PTGER3: variants seen among roughly 807,000 people sequenced by gnomAD.
The protein encoded by PTGER3 is prostaglandin E2 receptor EP3 subtype.
PTGER3 carries 22 observed loss-of-function variants against 34.7 expected under a neutral mutation model. The observed-to-expected ratio is 0.63, with a 90% CI of 0.45 to 0.91. The LOEUF is 0.91. PTGER3 is among the 40% of genes least tolerant of loss of function. The pLI, the probability that PTGER3 is intolerant of heterozygous loss-of-function variation, is 0.00. For synonymous variants in PTGER3, 241 were observed against 230.1 expected, an observed-to-expected ratio of 1.05 and a Z score of -0.43; for missense variants, 468 against 519.4, an observed-to-expected ratio of 0.90 and a Z score of 0.96.
chr1:70,883,719 C>T (rs191072367), intron 4 of PTGER3, among the ~76,000 whole-genome samples: 2 of 152,192 alleles, frequency 1.3e-5, no homozygotes, highest in African/African-American at 4.8e-5. Context: ...TTTAGAGTTG[C>T]GACTTTGACA....
intron 2 of PTGER3, among the ~76,000 whole-genome samples, chr1:71,004,203 G>C (rs1407131575): frequency 6.6e-6 from 1 of 152,030 alleles, no homozygotes. Flanking sequence ...TTTGTAACTT[G>C]GCCTCAGAAA....
intron 4 of PTGER3, among the ~76,000 whole-genome samples, chr1:70,937,105 C>A: frequency 6.6e-6 from 1 of 152,044 alleles, no homozygotes; most frequent in Middle Eastern, 3.4e-3. Context: ...TTTAAAGACA[C>A]GAGGAAATTA....
chr1:70,915,815 C>G (rs960807490), intron 4 of PTGER3, among the ~76,000 whole-genome samples: 1 of 151,642 alleles, frequency 6.6e-6, no homozygotes. Flanking sequence ...GTCTGTTTCT[C>G]AGAATTGGCC....
In PTGER3 at chr1:70,917,144, G is replaced by A. The variant is rs1041382676; in HGVS notation, c.*23+36619C>T. Among the ~76,000 whole-genome samples, 3 of 151,770 alleles carry A rather than the reference G, an allele frequency of 2.0e-5. No individual in the cohort carries two copies. The Admixed American group carries it at 2.0e-4, about 10-fold the overall frequency. On this transcript the variant is annotated intron_variant, in intron 4 of 4. Coordinates refer to the PTGER3 transcript ENST00000370931. ...CAAAACTTATTCTTCCTGTCTAATT[G>A]TAACTTTGTACACATTGACCAATCT...
intron 2 of PTGER3, among the ~76,000 whole-genome samples, chr1:70,985,595 T>C (rs1046752650): frequency 6.6e-5 from 10 of 152,034 alleles, no homozygotes; most frequent in African/African-American, 2.4e-4. Context: ...CTGAAGCCTG[T>C]TAGTAATAAT....
intron 1 of PTGER3, 50 bp downstream of exon 1, chr1:71,046,631 C>A: frequency 6.7e-7 from 1 of 1,502,538 alleles, no homozygotes. Context: ...CTTAGGTTCC[C>A]GCTTACTCGC....
rs117531814 is a variant in PTGER3, at chr1:70,947,341, A to G, written c.*23+6422T>C. Reference sequence around the variant, plus strand: ...CCATGCTAGTCTCATGATAGTGAATAAGCCTCACAAGATAAGATGGGTTTA... The same window carrying G: ...CCATGCTAGTCTCATGATAGTGAATGAGCCTCACAAGATAAGATGGGTTTA... On this transcript the variant is annotated intron_variant, in intron 4 of 4. Transcript: ENST00000370931. The G allele has an allele frequency of 1.8e-3, 271 of 152,368 alleles. 8 individuals carry two copies. The East Asian group carries it at 0.046, about 26-fold the overall frequency. 9.4% of individuals were successfully genotyped at this position (152,368 alleles called of 1,614,324 possible).
intron 1 of PTGER3, among the ~76,000 whole-genome samples, chr1:71,033,334 G>A (rs911258562): frequency 6.6e-6 from 1 of 152,152 alleles, no homozygotes; most frequent in Non-Finnish European, 1.5e-5. Flanking sequence ...CTCTTACCTG[G>A]ATGACTTCAA....
At chr1:70,860,257 T>G (rs1293804320) in intron 4 of PTGER3, among the ~76,000 whole-genome samples, 1 of 152,224 alleles carries the variant, frequency 6.6e-6, no homozygotes, top group Non-Finnish European at 1.5e-5. Flanking sequence ...TTTTTAGTAA[T>G]GTACAACAGG....
chr1:71,005,543 T>C (rs1361938110), intron 2 of PTGER3, among the ~76,000 whole-genome samples: 2 of 152,232 alleles, frequency 1.3e-5, no homozygotes, highest in Non-Finnish European at 2.9e-5. Flanking sequence ...TACCAGGTTA[T>C]AAATTCACTG....
intron 4 of PTGER3, among the ~76,000 whole-genome samples, chr1:70,869,494 A>G (rs561200377): frequency 6.6e-6 from 1 of 152,324 alleles, no homozygotes; most frequent in East Asian, 1.9e-4. Context: ...TTAATTCAAA[A>G]GTTCCAAGTC....
At position 70,974,342 on chromosome 1, in the gene PTGER3, G is replaced by A. The variant is rs5694; in HGVS notation, c.1124C>T (p.Pro375Leu). 1,369 of 1,429,878 alleles carry A rather than the reference G, an allele frequency of 9.6e-4. 21 individuals are homozygous for A. The African/African-American group carries it at 0.017, about 18-fold the overall frequency. The allele number at this position is 1,429,878 out of a possible 1,614,324, so 88.6% of individuals were successfully genotyped here. Residue 375 changes from proline to leucine, a missense_variant, in exon 3 of 4, where the codon CCC becomes CTC. Physicochemically the swap from Pro to Leu is moderately conservative, Grantham distance 98 (BLOSUM62 -3). Around this residue, in one of 5 missense-constraint regions of PTGER3, gnomAD observed 57 missense variants for 43.8 expected, o/e 1.30. Transcript: ENST00000306666. ...CATCAAGGTTGAGGAACACTGGCAGGGTAAGGAGGTGGAGCTGGATGCATA... is the reference window on the plus strand; with the variant it reads ...CATCAAGGTTGAGGAACACTGGCAGAGTAAGGAGGTGGAGCTGGATGCATA... ...NNYASSSTSL[P>L]CQCSSTLMWS...
At chr1:70,908,671 C>T (rs58483736) in intron 4 of PTGER3, among the ~76,000 whole-genome samples, 4,378 of 152,228 alleles carry the variant, frequency 0.029, 232 homozygotes, top group African/African-American at 0.1. Context: ...CCCAATTAAG[C>T]CAGGGGTCTA....
chr1:70,946,337 C>T (rs545671980), intron 4 of PTGER3, among the ~76,000 whole-genome samples: 19 of 152,134 alleles, frequency 1.2e-4, no homozygotes, highest in African/African-American at 4.1e-4. Flanking sequence ...TCCCAGTTTA[C>T]AAATGAAGTG....
chr1:70,870,622 G>C (rs1572505837), intron 4 of PTGER3, among the ~76,000 whole-genome samples: 1 of 152,166 alleles, frequency 6.6e-6, no homozygotes, highest in South Asian at 2.1e-4. Context: ...TAGGCTGTTA[G>C]AAGAACTCAG....
At chr1:70,867,354 A>G (rs940407582) in intron 4 of PTGER3, among the ~76,000 whole-genome samples, 4 of 152,218 alleles carry the variant, frequency 2.6e-5, no homozygotes, top group Non-Finnish European at 5.9e-5. Flanking sequence ...TTCCTCTTCC[A>G]TAGTTTAATA....
At chr1:70,962,384 A>G (rs1352940632) in intron 2 of PTGER3, among the ~76,000 whole-genome samples, 1 of 150,846 alleles carries the variant, frequency 6.6e-6, no homozygotes, top group Non-Finnish European at 1.5e-5. Flanking sequence ...TTCTAAATGT[A>G]AAATTAGCTC....
chr1:70,968,558 C>T (rs538438035), downstream of PTGER3, among the ~76,000 whole-genome samples: 1 of 151,932 alleles, frequency 6.6e-6, no homozygotes, highest in Non-Finnish European at 1.5e-5. Context: ...AATTACAACC[C>T]AGAGTATTTG....
intron 1 of PTGER3, among the ~76,000 whole-genome samples, chr1:71,022,546 C>T (rs564355180): frequency 1.3e-5 from 2 of 151,908 alleles, no homozygotes; most frequent in South Asian, 4.1e-4. Flanking sequence ...ATGACACTGC[C>T]TTTTAAATCT....
Sources: gnomAD v4.1 joint callset for allele counts (sites outside exome capture counted in the v4.1 genomes callset) on GRCh38, gnomAD v4.1.1 for gene constraint, gnomAD v4.1.1 regional missense constraint, MANE v1.5 for transcripts, NCBI Gene and HGNC (gene_info 2026-07-23, HGNC 2026-07-21) for gene names.